Variants in ADGRF5 observed in about 807,000 individuals in gnomAD.
ADGRF5 encodes the protein G-protein coupled receptor 116.
In ADGRF5, 75 loss-of-function variants were observed where a neutral mutation model predicts 132.3. That is an observed-to-expected ratio of 0.57 (90% CI 0.47 to 0.69). The LOEUF is 0.69. Ranked by LOEUF, ADGRF5 falls within the 30% of genes least tolerant of loss-of-function variation. ADGRF5 has a pLI of 0.00. For synonymous variants in ADGRF5, 629 were observed against 597.6 expected, an observed-to-expected ratio of 1.05 and a Z score of -0.77; for missense variants, 1,516 against 1,630.6, an observed-to-expected ratio of 0.93 and a Z score of 1.21.
chr6:46,907,307 A>T (rs1208748096), intron 1 of ADGRF5, among the ~76,000 whole-genome samples: 1 of 152,154 alleles, frequency 6.6e-6, no homozygotes, highest in African/African-American at 2.4e-5. Flanking sequence ...ATAGTGCATA[A>T]TATAGAATAT....
chr6:46,872,532 T>A (rs1404070815), intron 10 of ADGRF5, among the ~76,000 whole-genome samples: 1 of 152,212 alleles, frequency 6.6e-6, no homozygotes, highest in East Asian at 1.9e-4. Flanking sequence ...GGGCACCTGA[T>A]ATTCATCTTA....
chr6:46,901,631 C>T (rs1399800755), intron 2 of ADGRF5, among the ~76,000 whole-genome samples: 11 of 152,224 alleles, frequency 7.2e-5, no homozygotes, highest in Non-Finnish European at 1.0e-4. Context: ...CAGGATCACA[C>T]AGACTTTAAA....
At chr6:46,921,456 C>T (rs1006249751) in intron 1 of ADGRF5, among the ~76,000 whole-genome samples, 4 of 152,104 alleles carry the variant, frequency 2.6e-5, no homozygotes, top group African/African-American at 9.6e-5. Context: ...TTAAGAAAAT[C>T]CTAAAGGATC....
At chr6:46,915,036 AGTAGAGATGGG>A (rs1290341510) in intron 1 of ADGRF5, among the ~76,000 whole-genome samples, 26 of 151,798 alleles carry the variant, frequency 1.7e-4, no homozygotes, top group African/African-American at 6.3e-4. Context: ...TTGTATTTTT[AGTAGAGATGGG>A]GTTTCACCAT....
intron 3 of ADGRF5, among the ~76,000 whole-genome samples, chr6:46,897,838 T>C (rs796570709): frequency 6.7e-4 from 102 of 152,262 alleles, no homozygotes; most frequent in African/African-American, 2.3e-3. Context: ...GCCACCACGC[T>C]GAGTCATGTT....
intron 4 of ADGRF5, among the ~76,000 whole-genome samples, chr6:46,885,372 C>T (rs1489781610): frequency 6.6e-6 from 1 of 152,094 alleles, no homozygotes; most frequent in African/African-American, 2.4e-5. Context: ...AGATTTCTGA[C>T]CCTCAAAAAC....
chr6:46,882,944 C>T (rs535838353), intron 6 of ADGRF5, among the ~76,000 whole-genome samples: 3 of 152,256 alleles, frequency 2.0e-5, no homozygotes, highest in East Asian at 1.9e-4. Flanking sequence ...ATTATCTCAG[C>T]CCACCTGTAA....
Position 46,860,772 on chromosome 6 carries a change from A to AATAATGGCT in ADGRF5, c.2313_2321dup (p.Ala772_Ile774dup), listed in dbSNP as rs1229965610. On this transcript the variant is annotated inframe_insertion, in exon 16 of 21. Coordinates refer to ENST00000283296, the MANE Select transcript of ADGRF5 (RefSeq NM_001098518.2). ...CTGTTGAGAGCAGATCAAGGATGTT[A>AATAATGGCT]ATAATGGCTCCCAGACTCCCAGGAG... 6.2e-7 allele frequency: 1 copy of AATAATGGCT among 1,613,766 alleles called. No individual in the cohort carries two copies.
Position 46,856,934 on chromosome 6 carries a change from G to T in ADGRF5, c.3775-26C>A, listed in dbSNP as rs774263989. On this transcript the variant is annotated intron_variant, in intron 17 of 20. Coordinates refer to ENST00000283296, the MANE Select transcript of ADGRF5 (RefSeq NM_001098518.2). ...CTGAGAAAAAAAAGATTGAAAAGAAGTGCATTTTAATTATAGTCTATTGTC... is the reference window on the plus strand; with the variant it reads ...CTGAGAAAAAAAAGATTGAAAAGAATTGCATTTTAATTATAGTCTATTGTC... 6 of 1,571,612 alleles carry T rather than the reference G, an allele frequency of 3.8e-6. No individual in the cohort carries two copies. In the South Asian group the frequency reaches 4.4e-5, roughly 12 times the overall value.
intron 1 of ADGRF5, among the ~76,000 whole-genome samples, chr6:46,927,235 T>C (rs1417248571): frequency 1.4e-5 from 2 of 146,410 alleles, no homozygotes; most frequent in Non-Finnish European, 3.0e-5. Flanking sequence ...TAGACAAATA[T>C]GTACTGAAGA....
chr6:46,928,651 C>T (rs1232701247), intron 1 of ADGRF5, among the ~76,000 whole-genome samples: 4 of 152,152 alleles, frequency 2.6e-5, no homozygotes, highest in Non-Finnish European at 4.4e-5. Context: ...ATGAGGCCCT[C>T]TACTCTCTTA....
chr6:46,925,061 C>T (rs1157414804), upstream of ADGRF5, among the ~76,000 whole-genome samples: 2 of 152,170 alleles, frequency 1.3e-5, no homozygotes, highest in Non-Finnish European at 2.9e-5. Flanking sequence ...AAAGTCCACA[C>T]GTGCTCAACT....
chr6:46,877,322 CTTCT>C (rs201240602), intron 10 of ADGRF5, among the ~76,000 whole-genome samples: 1,763 of 30,030 alleles, frequency 0.059, 32 homozygotes, highest in Non-Finnish European at 0.089. Context: ...TCCTTCCTTC[CTTCT>C]TTCTTTCTTT....
intron 1 of ADGRF5, among the ~76,000 whole-genome samples, chr6:46,909,241 C>G (rs1275732960): frequency 1.3e-5 from 2 of 152,128 alleles, no homozygotes; most frequent in Non-Finnish European, 2.9e-5. Flanking sequence ...CATATTTCTT[C>G]TAAAATTCCT....
At chr6:46,892,489 C>T (rs1040053168) in intron 3 of ADGRF5, among the ~76,000 whole-genome samples, 29 of 152,256 alleles carry the variant, frequency 1.9e-4, no homozygotes, top group Non-Finnish European at 2.6e-4. Context: ...CGGTGGCTCA[C>T]GCTTGTAATC....
rs1374080482 is a variant in ADGRF5, at chr6:46,858,235, A to T, written c.3668T>A (p.Val1223Asp). 6.2e-7 allele frequency: 1 copy of T among 1,614,012 alleles called. No individual in the cohort carries two copies. The highest frequency in any genetic ancestry group is 8.5e-7 in the Non-Finnish European group (1 of 1,180,000). Residue 1223 changes from valine (V) to aspartate (D), a missense_variant, in exon 17 of 21, where the codon GTC becomes GAC. By Grantham distance (152) the Val-to-Asp change is radical. Around this residue, in one of 2 missense-constraint regions of ADGRF5, gnomAD observed 571 missense variants for 701.2 expected, o/e 0.81. Transcript: ENST00000283296. ...SLFQISKSIG[V>D]LTPLLGLTWG... ...AGTGAGGCCCAAGAGTGGTGTGAGG[A>T]CCCCAATGCTCTTGCTGATCTGAAA...
chr6:46,953,655 A>ATATATATATATATATATATATATG (rs1778594298), intron 1 of ADGRF5, among the ~76,000 whole-genome samples: 2 of 22,076 alleles, frequency 9.1e-5, no homozygotes, highest in Non-Finnish European at 2.3e-4. Flanking sequence ...ATATGTGTAT[A>ATATATATATATATATATATATATG]TATATATATA....
At chr6:46,860,641 A>G (rs1769628869) in intron 16 of ADGRF5, 74 bp downstream of exon 16, 3 of 1,063,936 alleles carry the variant, frequency 2.8e-6, no homozygotes, top group Non-Finnish European at 4.2e-6. Context: ...GGGAGGAATT[A>G]CGTTTCTTGA....
At chr6:46,881,976 G>A in intron 7 of ADGRF5, 73 bp downstream of exon 7, 1 of 1,104,810 alleles carries the variant, frequency 9.1e-7, no homozygotes, top group Non-Finnish European at 1.4e-6. Flanking sequence ...TGCCTCTCTA[G>A]GGGGTTTACC....
Sources: allele counts gnomAD v4.1 joint callset (sites outside exome capture counted in the v4.1 genomes callset), GRCh38; gene constraint gnomAD v4.1.1; regional missense constraint gnomAD v4.1.1; transcripts MANE v1.5; gene names NCBI Gene and HGNC (gene_info 2026-07-23, HGNC 2026-07-21).